The following DRC8 variants were observed in gnomAD, a reference collection of about 807,000 sequenced individuals.
The protein encoded by DRC8 is dynein regulatory complex protein 8.
chr1:245,091,196 A>G, the DRC8 span: 2 of 152,330 alleles, frequency 1.3e-5, no homozygotes, highest in African/African-American at 2.4e-5. Flanking sequence ...ACATCAGCAG[A>G]CAGGCTGTTG....
the DRC8 span, among the ~76,000 whole-genome samples, chr1:245,008,327 A>G: frequency 6.6e-6 from 1 of 152,210 alleles, no homozygotes; most frequent in Non-Finnish European, 1.5e-5. Flanking sequence ...GTATTTCATT[A>G]TGTAAAAAAA....
At chr1:245,042,023 A>T in the DRC8 span, among the ~76,000 whole-genome samples, 9 of 152,192 alleles carry the variant, frequency 5.9e-5, no homozygotes, top group Non-Finnish European at 7.3e-5. Context: ...TATGACAATC[A>T]TGGGTATGGT....
the DRC8 span, among the ~76,000 whole-genome samples, chr1:245,056,304 T>C: frequency 6.7e-6 from 1 of 149,638 alleles, no homozygotes. Flanking sequence ...TGCTTAATAC[T>C]TTTTTTTTTG....
chr1:245,003,335 T>C, the DRC8 span, among the ~76,000 whole-genome samples: 2 of 152,188 alleles, frequency 1.3e-5, no homozygotes, highest in African/African-American at 4.8e-5. Context: ...ATATGGTAAT[T>C]TGATGTGTAA....
chr1:245,004,013 G>A, the DRC8 span, among the ~76,000 whole-genome samples: 8 of 152,238 alleles, frequency 5.3e-5, no homozygotes, highest in South Asian at 2.1e-4. Context: ...TGCCACCTTC[G>A]AGTTTTGAGA....
At chr1:245,097,235 A>T in the DRC8 span, among the ~76,000 whole-genome samples, 1 of 152,150 alleles carries the variant, frequency 6.6e-6, no homozygotes, top group Admixed American at 6.6e-5. This position sits in a 1 kb window ranked among gnomAD's most constrained non-coding sequence, Gnocchi z 5.0. Context: ...AATTCTAGTA[A>T]ACTGGTCGGG....
At chr1:245,080,747 C>G in the DRC8 span, among the ~76,000 whole-genome samples, 3 of 152,336 alleles carry the variant, frequency 2.0e-5, no homozygotes, top group Middle Eastern at 3.4e-3. Flanking sequence ...ACTGAAGAAG[C>G]TGCCTCACCC....
chr1:245,062,815 C>T, the DRC8 span, among the ~76,000 whole-genome samples: 3 of 152,194 alleles, frequency 2.0e-5, no homozygotes, highest in African/African-American at 7.2e-5. Context: ...TATTAACCAT[C>T]TCCACCTTTC....
At chr1:245,099,289 G>A in the DRC8 span, among the ~76,000 whole-genome samples, 36 of 152,308 alleles carry the variant, frequency 2.4e-4, no homozygotes, top group South Asian at 6.8e-3. Context: ...TCTCTCAAGG[G>A]GGGGCTTTTT....
the DRC8 span, among the ~76,000 whole-genome samples, chr1:245,071,455 G>A: frequency 2.0e-5 from 3 of 152,190 alleles, no homozygotes; most frequent in Non-Finnish European, 2.9e-5. Flanking sequence ...AAGAAAGGAC[G>A]TCGTTGCTAT....
chr1:244,974,077 G>A, the DRC8 span, among the ~76,000 whole-genome samples: 14 of 152,162 alleles, frequency 9.2e-5, no homozygotes, highest in South Asian at 2.5e-3. Flanking sequence ...TGTTTGAAAC[G>A]GGATGAGAAA....
the DRC8 span, among the ~76,000 whole-genome samples, chr1:245,065,073 C>CTTTTTTTTTTTTTTTTTTTTTTTT: frequency 3.7e-5 from 3 of 81,566 alleles, no homozygotes; most frequent in Non-Finnish European, 4.8e-5. Flanking sequence ...TAACATTCTT[C>CTTTTTTTTTTTTTTTTTTTTTTTT]TTTTTTTTTT....
chr1:245,118,046 A>G, the DRC8 span, among the ~76,000 whole-genome samples: 134,095 of 152,006 alleles, frequency 0.88, 59,725 homozygotes, highest in Middle Eastern at 0.95. Flanking sequence ...AAAAACCTCT[A>G]TTACGCTACC....
chr1:245,076,551 C>T, the DRC8 span, among the ~76,000 whole-genome samples: 7 of 152,280 alleles, frequency 4.6e-5, no homozygotes, highest in South Asian at 2.1e-4. Flanking sequence ...TTTCCCAACA[C>T]GACTTTGCTT....
chr1:245,027,732 G>T, the DRC8 span, among the ~76,000 whole-genome samples: 2 of 152,144 alleles, frequency 1.3e-5, no homozygotes, highest in African/African-American at 4.8e-5. Context: ...AAGGTAGAAT[G>T]TTCATACTTT....
the DRC8 span, among the ~76,000 whole-genome samples, chr1:245,063,912 G>A: frequency 3.3e-5 from 5 of 152,002 alleles, no homozygotes; most frequent in Non-Finnish European, 2.9e-5. Context: ...TAGTAGAGAC[G>A]GGGTTTCACC....
At chr1:245,075,261 G>A in the DRC8 span, among the ~76,000 whole-genome samples, 18 of 152,138 alleles carry the variant, frequency 1.2e-4, no homozygotes, top group Non-Finnish European at 2.2e-4. Context: ...GGACCCTGAC[G>A]CCCTCAGATA....
At chr1:244,998,419 G>A in the DRC8 span, among the ~76,000 whole-genome samples, 2 of 151,978 alleles carry the variant, frequency 1.3e-5, no homozygotes, top group African/African-American at 4.8e-5. Flanking sequence ...TTGCTATGTT[G>A]CCCGGGCTGG....
chr1:244,998,143 C>T, the DRC8 span, among the ~76,000 whole-genome samples: 1 of 152,166 alleles, frequency 6.6e-6, no homozygotes, highest in African/African-American at 2.4e-5. Context: ...CTCCTTCATT[C>T]TATTGACTGA....
Sources: allele counts gnomAD v4.1 joint callset (sites outside exome capture counted in the v4.1 genomes callset), GRCh38; gene constraint gnomAD v4.1.1; non-coding constraint Gnocchi (gnomAD v3.1); transcripts MANE v1.5; gene names NCBI Gene and HGNC (gene_info 2026-07-23, HGNC 2026-07-21).